Variants in ACACA observed in about 807,000 individuals in gnomAD.
ACACA encodes the protein acetyl-CoA carboxylase 1.
In ACACA, 103 loss-of-function variants were observed where a neutral mutation model predicts 296.1. The ratio of observed to expected loss-of-function variants is 0.35; its 90% CI spans 0.30 to 0.41. The LOEUF (loss-of-function observed/expected upper bound fraction) is 0.41. Among genes scored for constraint, ACACA ranks in the 10% least tolerant of loss-of-function variants. The probability of loss-of-function intolerance (pLI) is 1.00; values close to 1 mark genes in which losing one functional copy is unlikely to be tolerated. For synonymous variants in ACACA, 953 were observed against 1,038.6 expected (o/e 0.92, Z 1.58); for missense variants, 1,554 against 2,989.7 (o/e 0.52, Z 11.20).
intron 1 of ACACA, among the ~76,000 whole-genome samples, chr17:37,358,539 G>A (rs1471788789): frequency 6.6e-6 from 1 of 152,190 alleles, no homozygotes; most frequent in Non-Finnish European, 1.5e-5. Context: ...ACCTCACTCT[G>A]CAAGAGAGAA....
chr17:37,376,022 G>A lies in ACACA; in HGVS notation c.38+30240C>T, dbSNP rs183433667. The A allele has an allele frequency of 2.0e-4, 267 of 1,343,222 alleles. No homozygotes were observed. In the East Asian group the frequency reaches 5.9e-3, roughly 30 times the overall value. 83.2% of individuals were successfully genotyped at this position (1,343,222 alleles called of 1,614,324 possible). A position where few individuals can be genotyped will look rare whatever the true frequency, so the allele number is the denominator to read the frequency against. On this transcript the variant is annotated intron_variant, in intron 1 of 55. Transcript: ENST00000616317. ...CAGCTGCGTGTGGTGAAAGCAACTA[G>A]AGGCAGAGCTATCAAGGGCTGTGAC...
chr17:37,179,299 A>G lies in ACACA; in HGVS notation c.5040T>C (p.Gly1680=), dbSNP rs1478210487. The change falls in exon 41 of 56, where the codon GGT becomes GGC. Residue 1680 remains glycine (G), a synonymous_variant. Transcript: ENST00000616317. ...GAAGCCTGTTCATGTGGACCAGCTG[A>G]CCTTGATCATCCAGTACCAGTTCAG... is the stretch of plus-strand genomic sequence containing the variant. ...TYTELVLDDQ[G]QLVHMNRLPG... 1.2e-6 allele frequency: 2 copies of G among 1,614,116 alleles called. No homozygotes were observed. The highest frequency in any genetic ancestry group is 1.7e-6 in the Non-Finnish European group (2 of 1,180,024).
At chr17:37,246,178 C>T (rs191664576) in intron 19 of ACACA, among the ~76,000 whole-genome samples, 11 of 152,306 alleles carry the variant, frequency 7.2e-5, no homozygotes, top group African/African-American at 2.6e-4. Flanking sequence ...GCACTCTATG[C>T]TTAGCTCTCT....
chr17:37,287,161 C>G (rs894618685), intron 3 of ACACA, among the ~76,000 whole-genome samples: 1 of 152,116 alleles, frequency 6.6e-6, no homozygotes, highest in Non-Finnish European at 1.5e-5. Context: ...TTTCCTATTC[C>G]CACCTTTTCT....
chr17:37,323,603 A>C (rs1229024053), intron 3 of ACACA, among the ~76,000 whole-genome samples: 1 of 152,228 alleles, frequency 6.6e-6, no homozygotes, highest in East Asian at 1.9e-4. Context: ...AACAAACAAA[A>C]AACCCATACA....
chr17:37,312,575 T>C lies in ACACA; in HGVS notation c.338+17598A>G, dbSNP rs147265008. Among the ~76,000 whole-genome samples the C allele has an allele frequency of 1.0e-3, 154 of 152,362 alleles. 4 individuals are homozygous for C. The East Asian group carries it at 0.027, about 27-fold the overall frequency. Reference sequence around the variant, plus strand: ...GCAGTAAAAGTTGGGGTTGTTATCTTGGGCTTTACTCTGAAAGCAGAGGGA... The same window carrying C: ...GCAGTAAAAGTTGGGGTTGTTATCTCGGGCTTTACTCTGAAAGCAGAGGGA... On this transcript the variant is annotated intron_variant, in intron 3 of 55. Transcript: ENST00000616317.
intron 8 of ACACA, among the ~76,000 whole-genome samples, chr17:37,275,106 G>A (rs1250039092): frequency 1.3e-5 from 2 of 152,212 alleles, no homozygotes; most frequent in Admixed American, 6.5e-5. Context: ...TGGAAGAAAG[G>A]TTAATTACTG....
intron 45 of ACACA, among the ~76,000 whole-genome samples, chr17:37,140,245 T>C (rs1483433188): frequency 6.6e-6 from 1 of 152,184 alleles, no homozygotes; most frequent in East Asian, 1.9e-4. Context: ...GTGAACAACA[T>C]ATAGTGTTTA....
At chr17:37,175,063 A>G (rs2077058549) in intron 41 of ACACA, among the ~76,000 whole-genome samples, 1 of 152,242 alleles carries the variant, frequency 6.6e-6, no homozygotes, top group African/African-American at 2.4e-5. Context: ...TAAGAAAAAC[A>G]GGGTCCTAAT....
chr17:37,266,572 A>C (rs2081790183), intron 10 of ACACA, among the ~76,000 whole-genome samples: 2 of 151,688 alleles, frequency 1.3e-5, no homozygotes, highest in Admixed American at 6.6e-5. Context: ...GGCACTCTTG[A>C]CTTGGTCTTT....
intron 29 of ACACA, among the ~76,000 whole-genome samples, chr17:37,221,359 A>G (rs2079280869): frequency 6.6e-6 from 1 of 152,232 alleles, no homozygotes. Flanking sequence ...TTCCACCCAA[A>G]GTATTTTTTT....
At chr17:37,230,346 T>C (rs911424369) in intron 25 of ACACA, among the ~76,000 whole-genome samples, 1 of 151,238 alleles carries the variant, frequency 6.6e-6, no homozygotes, top group African/African-American at 2.4e-5. Context: ...ATCGCGCCGT[T>C]GCACTCCAGC....
intron 1 of ACACA, among the ~76,000 whole-genome samples, chr17:37,371,079 TTTTG>T (rs766385240): frequency 1.2e-3 from 184 of 152,232 alleles, no homozygotes; most frequent in African/African-American, 4.3e-3. Context: ...AGTTCAATTT[TTTTG>T]TTTGTTTGTT....
Position 37,259,550 on chromosome 17 carries a change from C to T in ACACA, c.1330-20G>A. The T allele has an allele frequency of 6.2e-7, 1 of 1,614,006 alleles. No individual in the cohort carries two copies. Among genetic ancestry groups the T allele is most frequent in the Non-Finnish European group, 8.5e-7 (1 of 1,179,896 alleles). On this transcript the variant is annotated intron_variant, in intron 11 of 55. Coordinates refer to ENST00000616317, the MANE Select transcript of ACACA (RefSeq NM_198834.3). Reference sequence around the variant, plus strand: ...CGCACACTCAAAGAAGAGAGATAAGCAAACATAAGTATCTCACCTTATCCA... The same window carrying T: ...CGCACACTCAAAGAAGAGAGATAAGTAAACATAAGTATCTCACCTTATCCA...
intron 1 of ACACA, among the ~76,000 whole-genome samples, chr17:37,360,614 G>C (rs2049366602): frequency 6.6e-6 from 1 of 152,134 alleles, no homozygotes. Context: ...GTAGTGTACT[G>C]TGCCTGCGCC....
At chr17:37,186,537 A>G (rs2077539218) in intron 39 of ACACA, among the ~76,000 whole-genome samples, 1 of 152,204 alleles carries the variant, frequency 6.6e-6, no homozygotes, top group Admixed American at 6.5e-5. Context: ...GACAATAAGC[A>G]CCATGTAGGC....
At chr17:37,370,286 G>A (rs570102827) in intron 1 of ACACA, among the ~76,000 whole-genome samples, 24 of 152,028 alleles carry the variant, frequency 1.6e-4, no homozygotes, top group African/African-American at 4.8e-4. Flanking sequence ...GAATACAGGT[G>A]TGAGCCACAG....
At chr17:37,162,719 TA>T in intron 41 of ACACA, 1 of 231,482 alleles carries the variant, frequency 4.3e-6, no homozygotes, top group South Asian at 5.7e-5. Flanking sequence ...ATCTTGCACC[TA>T]ATCATGTCAT....
intron 54 of ACACA, 132 bp from the exon 55 acceptor site, chr17:37,089,206 A>G (rs577097552): frequency 7.4e-7 from 1 of 1,347,812 alleles, no homozygotes; most frequent in Non-Finnish European, 1.1e-6. Context: ...CACTGTCAGC[A>G]TCGTGCAGGA....
Sources: allele counts gnomAD v4.1 joint callset (sites outside exome capture counted in the v4.1 genomes callset), GRCh38; gene constraint gnomAD v4.1.1; transcripts MANE v1.5; gene names NCBI Gene and HGNC (gene_info 2026-07-23, HGNC 2026-07-21).